LIPI: variants seen among roughly 807,000 people sequenced by gnomAD.
The protein encoded by LIPI is lipase I.
In LIPI, 59 loss-of-function variants were observed where a neutral mutation model predicts 50.6. That is an observed-to-expected ratio of 1.16 (90% CI 0.94 to 1.45). The LOEUF is 1.45. Ranked by LOEUF, LIPI falls within the 40% of genes most tolerant of loss-of-function variation. LIPI has a pLI of 0.00. For missense variants in LIPI, 586 were observed against 536.3 expected, an observed-to-expected ratio of 1.09 and a Z score of -0.92; for synonymous variants, 203 against 178.2, an observed-to-expected ratio of 1.14 and a Z score of -1.11.
intron 2 of LIPI, 86 bp downstream of exon 2, chr21:14,188,948 T>C: frequency 9.1e-7 from 1 of 1,095,722 alleles, no homozygotes; most frequent in Non-Finnish European, 1.4e-6. Flanking sequence ...TATCACTTTG[T>C]GGTATTGAAT....
At chr21:14,183,775 G>C (rs2123254854) in intron 3 of LIPI, among the ~76,000 whole-genome samples, 1 of 152,274 alleles carries the variant, frequency 6.6e-6, no homozygotes, top group South Asian at 2.1e-4. Context: ...ACCACAATGA[G>C]ATACCATCTC....
chr21:14,179,768 C>T (rs1023748884), intron 4 of LIPI, among the ~76,000 whole-genome samples: 4 of 152,148 alleles, frequency 2.6e-5, no homozygotes, highest in African/African-American at 4.8e-5. Flanking sequence ...CACCTCAGGA[C>T]CACTGTGATA....
At chr21:14,170,828 C>T (rs892777611) in intron 4 of LIPI, among the ~76,000 whole-genome samples, 225 of 151,584 alleles carry the variant, frequency 1.5e-3, no homozygotes, top group African/African-American at 5.4e-3. Context: ...CCTCTCTCAC[C>T]ACTCCTATTC....
At chr21:14,121,230 T>G (rs1179631529) in intron 9 of LIPI, among the ~76,000 whole-genome samples, 2 of 152,156 alleles carry the variant, frequency 1.3e-5, no homozygotes, top group East Asian at 3.9e-4. Context: ...GACTCAGATC[T>G]TATAGATTAA....
At chr21:14,122,716 T>A (rs922047143) in intron 9 of LIPI, among the ~76,000 whole-genome samples, 30 of 152,220 alleles carry the variant, frequency 2.0e-4, no homozygotes, top group Non-Finnish European at 2.9e-4. Context: ...ATTGGTTGTG[T>A]GACTAACACA....
intron 9 of LIPI, among the ~76,000 whole-genome samples, chr21:14,129,604 T>C (rs557912294): frequency 6.6e-6 from 1 of 152,136 alleles, no homozygotes; most frequent in East Asian, 1.9e-4. Context: ...TTAAAATTCT[T>C]ATGTAATATA....
intron 1 of LIPI, among the ~76,000 whole-genome samples, chr21:14,201,778 G>A (rs1313854646): frequency 6.6e-6 from 1 of 152,160 alleles, no homozygotes; most frequent in Non-Finnish European, 1.5e-5. Flanking sequence ...ACTGGCACAA[G>A]ACAGGGATGC....
intron 4 of LIPI, among the ~76,000 whole-genome samples, chr21:14,172,074 C>A (rs1366344925): frequency 6.6e-6 from 1 of 152,204 alleles, no homozygotes; most frequent in Non-Finnish European, 1.5e-5. Flanking sequence ...ACCAACACTT[C>A]TCAAAAGAAG....
chr21:14,164,060 A>T lies in LIPI; in HGVS notation c.902-537T>A, dbSNP rs1448744018. The stretch of plus-strand genomic sequence containing the variant: ...ATATTTCAGATACATATGTGTACAT[A>T]TAAAATATTTATTATATATAATATG... On this transcript the variant is annotated intron_variant, in intron 6 of 9. Coordinates refer to ENST00000681601, the MANE Select transcript of LIPI (RefSeq NM_001302998.2). Among the ~76,000 whole-genome samples the T allele has an allele frequency of 2.7e-5, 4 of 150,348 alleles. No homozygotes were observed. The Admixed American group carries it at 2.7e-4, about 10-fold the overall frequency.
At chr21:14,174,475 C>T (rs2019024637) in intron 4 of LIPI, among the ~76,000 whole-genome samples, 1 of 152,124 alleles carries the variant, frequency 6.6e-6, no homozygotes, top group Non-Finnish European at 1.5e-5. Context: ...CCTTACCCAG[C>T]CACAAGTGTC....
intron 9 of LIPI, among the ~76,000 whole-genome samples, chr21:14,134,605 T>C (rs1390448244): frequency 6.6e-6 from 1 of 151,986 alleles, no homozygotes; most frequent in African/African-American, 2.4e-5. Context: ...CACAGATCAA[T>C]GGAACAGAAT....
chr21:14,188,792 A>T (rs1351596110), intron 2 of LIPI, among the ~76,000 whole-genome samples: 1 of 152,224 alleles, frequency 6.6e-6, no homozygotes, highest in East Asian at 1.9e-4. Flanking sequence ...ATAATTACTA[A>T]ATTTTAATAT....
intron 8 of LIPI, among the ~76,000 whole-genome samples, chr21:14,146,827 G>A (rs1416436545): frequency 1.6e-5 from 2 of 121,414 alleles, no homozygotes; most frequent in Non-Finnish European, 3.2e-5. Context: ...CACCCAGGCT[G>A]GAGTGCAGTG....
intron 7 of LIPI, among the ~76,000 whole-genome samples, chr21:14,154,728 CA>C (rs936803932): frequency 6.6e-6 from 1 of 151,662 alleles, no homozygotes; most frequent in Non-Finnish European, 1.5e-5. Flanking sequence ...GCATAAAAAG[CA>C]AAAAAATAAG....
At chr21:14,198,301 C>A (rs1307303785) in intron 1 of LIPI, among the ~76,000 whole-genome samples, 2 of 151,810 alleles carry the variant, frequency 1.3e-5, no homozygotes, top group Admixed American at 6.6e-5. Flanking sequence ...GGATAAATGC[C>A]CCAATTGAAA....
chr21:14,154,793 G>A (rs754862445), intron 7 of LIPI, among the ~76,000 whole-genome samples: 10 of 151,878 alleles, frequency 6.6e-5, no homozygotes, highest in South Asian at 2.1e-4. Flanking sequence ...TAAAAATCAC[G>A]GCCTTGGAAT....
At chr21:14,166,769 C>A (rs2018701736) in intron 4 of LIPI, among the ~76,000 whole-genome samples, 1 of 152,194 alleles carries the variant, frequency 6.6e-6, no homozygotes, top group Non-Finnish European at 1.5e-5. Context: ...TCTTCAGCTC[C>A]CAGTGTGAGT....
At chr21:14,183,980 AT>A (rs1268867834) in intron 3 of LIPI, among the ~76,000 whole-genome samples, 1 of 152,330 alleles carries the variant, frequency 6.6e-6, no homozygotes, top group Admixed American at 6.5e-5. Flanking sequence ...TACTGGGTAT[AT>A]ACGCAAAGGA....
At chr21:14,133,737 C>A (rs561630261) in intron 9 of LIPI, among the ~76,000 whole-genome samples, 1 of 152,164 alleles carries the variant, frequency 6.6e-6, no homozygotes, top group Non-Finnish European at 1.5e-5. Flanking sequence ...CCTAAAGACT[C>A]CACCAAAAAA....
Sources: gnomAD v4.1 joint callset for allele counts (sites outside exome capture counted in the v4.1 genomes callset) on GRCh38, gnomAD v4.1.1 for gene constraint, MANE v1.5 for transcripts, NCBI Gene and HGNC (gene_info 2026-07-23, HGNC 2026-07-21) for gene names.